PLA2G4C: variants seen among roughly 807,000 people sequenced by gnomAD.
The protein encoded by PLA2G4C is cytosolic phospholipase A2 gamma.
PLA2G4C carries 64 observed loss-of-function variants against 73.8 expected under a neutral mutation model. The ratio of observed to expected loss-of-function variants is 0.87; its 90% CI spans 0.71 to 1.07. PLA2G4C has a LOEUF of 1.07. Among genes scored for constraint, PLA2G4C ranks in the 50% least tolerant of loss-of-function variants. PLA2G4C has a pLI of 0.00. For missense variants in PLA2G4C, 622 were observed against 665.4 expected, an observed-to-expected ratio of 0.93 and a Z score of 0.72; for synonymous variants, 254 against 252.1, an observed-to-expected ratio of 1.01 and a Z score of -0.07.
intron 8 of PLA2G4C, among the ~76,000 whole-genome samples, chr19:48,089,380 G>A (rs951777920): frequency 6.6e-6 from 1 of 152,054 alleles, no homozygotes; most frequent in Non-Finnish European, 1.5e-5. Flanking sequence ...TCATACCACT[G>A]CACTCCAGCC....
intron 1 of PLA2G4C, among the ~76,000 whole-genome samples, chr19:48,109,896 G>T (rs1421167915): frequency 6.6e-6 from 1 of 151,736 alleles, no homozygotes; most frequent in African/African-American, 2.4e-5. Context: ...GGATCCGCCC[G>T]CCTCGTCTTC....
intron 9 of PLA2G4C, among the ~76,000 whole-genome samples, chr19:48,085,881 C>T (rs1033851764): frequency 2.0e-5 from 3 of 152,034 alleles, no homozygotes; most frequent in Non-Finnish European, 2.9e-5. Flanking sequence ...TGGGGAGGTT[C>T]GTGGAATATA....
intron 13 of PLA2G4C, among the ~76,000 whole-genome samples, chr19:48,064,522 C>T (rs1339983200): frequency 1.3e-5 from 2 of 151,042 alleles, no homozygotes; most frequent in Non-Finnish European, 2.9e-5. Context: ...CGTCTGTTCT[C>T]AAGATATCAG....
At position 48,074,850 on chromosome 19, in the gene PLA2G4C, G is replaced by A. The variant is rs775497235; in HGVS notation, c.923C>T (p.Thr308Ile). The part of the protein sequence containing the change: ...PEDEGGEPEH[T>I]WLTEMLENWT... ...ATTCTCGAGCATCTCAGTCAGCCAG[G>A]TGTGTTCAGGCTCACCGCCTTCATC... The change falls in exon 12 of 17, where the codon ACC becomes ATC. Residue 308 changes from threonine to isoleucine, a missense_variant. Physicochemically the swap from Thr to Ile is moderately conservative, Grantham distance 89. Transcript: ENST00000599921. 4 of 1,610,986 alleles carry A rather than the reference G, an allele frequency of 2.5e-6. No homozygotes were observed. The highest frequency in any genetic ancestry group is 3.4e-6 in the Non-Finnish European group (4 of 1,178,310).
chr19:48,067,647 G>A, intron 13 of PLA2G4C, 144 bp downstream of exon 13: 1 of 688,638 alleles, frequency 1.5e-6, no homozygotes. Context: ...CCCCTAATCA[G>A]ATCCCTGGGC....
In PLA2G4C at chr19:48,110,654, T is replaced by C. The variant is rs1332102606; in HGVS notation, c.-200A>G. 3 of 483,012 alleles carry C rather than the reference T, an allele frequency of 6.2e-6. No individual in the cohort carries two copies. In the African/African-American group the frequency reaches 1.9e-4, roughly 30 times the overall value. The allele number at this position is 483,012 out of a possible 1,614,324, so 29.9% of individuals were successfully genotyped here. On this transcript the variant is annotated 5_prime_UTR_variant, in exon 1 of 17. Coordinates refer to ENST00000599921, the MANE Select transcript of PLA2G4C (RefSeq NM_003706.3). ...GGGATCCTCGGTGCCAAAGCTTCTGTGGTCCTCCTGCTTTCCTTTTCCCCC... is the reference window on the plus strand; with the variant it reads ...GGGATCCTCGGTGCCAAAGCTTCTGCGGTCCTCCTGCTTTCCTTTTCCCCC...
chr19:48,049,499 G>GC (rs11412957), intron 16 of PLA2G4C, among the ~76,000 whole-genome samples: 88,849 of 151,824 alleles, frequency 0.59, 26,777 homozygotes, highest in East Asian at 0.83. Flanking sequence ...ATGTCATGTT[G>GC]CCCCCCGGGA....
chr19:48,050,180 A>G (rs1311015484), intron 16 of PLA2G4C, among the ~76,000 whole-genome samples: 1 of 152,154 alleles, frequency 6.6e-6, no homozygotes, highest in Non-Finnish European at 1.5e-5. Context: ...TCGGCCTCCC[A>G]AAGTGCTGGG....
chr19:48,050,673 C>CTGTTTTTTTTTTT (rs1967690364), intron 16 of PLA2G4C, among the ~76,000 whole-genome samples: 2 of 78,744 alleles, frequency 2.5e-5, no homozygotes, highest in Non-Finnish European at 4.7e-5. Flanking sequence ...GAGTATGTGA[C>CTGTTTTTTTTTTT]TTTTTTTTTT....
intron 13 of PLA2G4C, among the ~76,000 whole-genome samples, chr19:48,063,192 C>T (rs1179213924): frequency 1.3e-5 from 2 of 152,188 alleles, no homozygotes; most frequent in South Asian, 2.1e-4. Flanking sequence ...TACAGGCACC[C>T]GCCACCATGC....
intron 12 of PLA2G4C, among the ~76,000 whole-genome samples, chr19:48,069,930 A>T (rs186872438): frequency 1.3e-5 from 2 of 152,118 alleles, no homozygotes; most frequent in Admixed American, 1.3e-4. Context: ...ACGCCCGGCT[A>T]AATATTTTTT....
At chr19:48,055,782 G>A (rs1290410811) in intron 14 of PLA2G4C, among the ~76,000 whole-genome samples, 1 of 151,996 alleles carries the variant, frequency 6.6e-6, no homozygotes, top group African/African-American at 2.4e-5. Context: ...TTACAGACAT[G>A]CTCCACCACG....
In PLA2G4C at chr19:48,062,024, C is replaced by G; in HGVS notation, c.1231G>C (p.Asp411His). Reference protein sequence around the residue: ...TREVHLILSFDFSAGDPFETI... With the variant: ...TREVHLILSFHFSAGDPFETI... ...TCGAAAGGATCTCCGGCACTGAAGT[C>G]GAAGGAGAGGATGAGGTGAACCTCC... Residue 411 changes from aspartate to histidine, a missense_variant, in exon 14 of 17, where the codon GAC becomes CAC. Coordinates refer to ENST00000599921, the MANE Select transcript of PLA2G4C (RefSeq NM_003706.3). The G allele has an allele frequency of 1.2e-6, 2 of 1,613,750 alleles. No individual in the cohort carries two copies. Among genetic ancestry groups the G allele is most frequent in the South Asian group, 1.1e-5 (1 of 91,064 alleles).
In PLA2G4C at chr19:48,067,817, GT is replaced by G; in HGVS notation, c.1075del (p.Thr359ProfsTer16). 6.2e-7 allele frequency: 1 copy of G among 1,612,254 alleles called. No homozygotes were observed. ...GICASKWEWG[T>X]THNFLYKHGG... ...GTGTTTGTACAGGAAGTTGTGAGTGGTCCCCCATTCCCACTTTGAAGCGCAA... is the reference window on the plus strand; with the variant it reads ...GTGTTTGTACAGGAAGTTGTGAGTGGCCCCCATTCCCACTTTGAAGCGCAA... On this transcript the variant is annotated frameshift_variant, in exon 13 of 17. Coordinates refer to ENST00000599921, the MANE Select transcript of PLA2G4C (RefSeq NM_003706.3). LOFTEE classifies it high-confidence loss of function.
chr19:48,083,345 A>G (rs2030730919), intron 10 of PLA2G4C, among the ~76,000 whole-genome samples: 1 of 150,366 alleles, frequency 6.7e-6, no homozygotes, highest in Non-Finnish European at 1.5e-5. Context: ...TTTACAAAGG[A>G]GAAATTGGGT....
At position 48,095,507 on chromosome 19, in the gene PLA2G4C, T is replaced by G; in HGVS notation, c.666A>C (p.Arg222Ser). ...CTCTCTCAGGGTGAGTTCTGACCAGTCTTCCCTTCTTGAATTTGCTTCCGA... is the reference window on the plus strand; with the variant it reads ...CTCTCTCAGGGTGAGTTCTGACCAGGCTTCCCTTCTTGAATTTGCTTCCGA... The part of the protein sequence containing the change: ...THFGSKFKKG[R>S]LVRTHPERDL... Residue 222 changes from arginine (R) to serine (S), a missense_variant, in exon 7 of 17, where the codon AGA becomes AGC. Coordinates refer to ENST00000599921, the MANE Select transcript of PLA2G4C (RefSeq NM_003706.3). 9 of 1,614,090 alleles carry G rather than the reference T, an allele frequency of 5.6e-6. No homozygotes were observed. Among genetic ancestry groups the G allele is most frequent in the Non-Finnish European group, 7.6e-6 (9 of 1,180,000 alleles).
At chr19:48,078,538 T>G (rs1450672588) in intron 10 of PLA2G4C, among the ~76,000 whole-genome samples, 6 of 152,160 alleles carry the variant, frequency 3.9e-5, no homozygotes, top group East Asian at 1.9e-4. Flanking sequence ...ACAAAATCAA[T>G]GTACACAAAC....
chr19:48,069,262 A>T (rs1166254627), intron 12 of PLA2G4C, among the ~76,000 whole-genome samples: 1 of 152,022 alleles, frequency 6.6e-6, no homozygotes, highest in Non-Finnish European at 1.5e-5. Context: ...CAAGGAAAAG[A>T]TGGCGATTTA....
Position 48,093,007 on chromosome 19 carries a change from T to C in PLA2G4C, c.709+2457A>G, listed in dbSNP as rs113661622. Among the ~76,000 whole-genome samples the C allele has an allele frequency of 2.0e-5, 3 of 152,206 alleles. 1 individual carries two copies. Among genetic ancestry groups the C allele is most frequent in the African/African-American group, 7.2e-5 (3 of 41,506 alleles). ...ACACGTACAGAATCCCTTCAGTAGG[T>C]GATACATACATCTAAGGAAATAATA... On this transcript the variant is annotated intron_variant, in intron 7 of 16. Coordinates refer to ENST00000599921, the MANE Select transcript of PLA2G4C (RefSeq NM_003706.3).
Sources: allele counts gnomAD v4.1 joint callset (sites outside exome capture counted in the v4.1 genomes callset), GRCh38; gene constraint gnomAD v4.1.1; transcripts MANE v1.5; gene names NCBI Gene and HGNC (gene_info 2026-07-23, HGNC 2026-07-21).